The following BTBD8 variants were observed in gnomAD, a reference collection of about 807,000 sequenced individuals.
BTBD8 encodes BTB/POZ domain-containing protein 8.
In BTBD8, 110 loss-of-function variants were observed where a neutral mutation model predicts 162.9. The observed-to-expected ratio is 0.68, with a 90% CI of 0.58 to 0.79. The LOEUF is 0.79. Ranked by LOEUF, BTBD8 falls within the 30% of genes least tolerant of loss-of-function variation. The pLI, the probability that BTBD8 is intolerant of heterozygous loss-of-function variation, is 0.00. For missense variants in BTBD8, 1,905 were observed against 2,085.4 expected (o/e 0.91, Z 1.68); for synonymous variants, 667 against 716.1 (o/e 0.93, Z 1.10).
At chr1:92,163,657 G>C (rs917547519) in intron 9 of BTBD8, among the ~76,000 whole-genome samples, 38 of 151,926 alleles carry the variant, frequency 2.5e-4, no homozygotes, top group African/African-American at 9.2e-4. Flanking sequence ...GTGTGGAAGG[G>C]GACCCGAGCA....
chr1:92,147,744 T>G lies in BTBD8; in HGVS notation c.1080T>G (p.Pro360=). The G allele has an allele frequency of 1.2e-6, 2 of 1,613,672 alleles. No individual in the cohort carries two copies. Among genetic ancestry groups the G allele is most frequent in the Non-Finnish European group, 1.7e-6 (2 of 1,179,846 alleles). ...AGAGAAGCTTTGCAAATATACCTCC[T>G]GAGATTCAGAAAAGTTGTCTTAATA... ...WSERSFANIP[P]EIQKSCLNML... is the part of the protein sequence containing the mutation. The change falls in exon 9 of 18, where the codon CCT becomes CCG. Residue 360 remains proline (P), a synonymous_variant. Coordinates refer to ENST00000636805, the MANE Select transcript of BTBD8 (RefSeq NM_001376131.1).
chr1:92,081,333 C>T (rs150291389), intron 1 of BTBD8, among the ~76,000 whole-genome samples: 186 of 152,260 alleles, frequency 1.2e-3, no homozygotes, highest in African/African-American at 4.1e-3. Context: ...TCATGGATAT[C>T]CTTCTCGGGT....
chr1:92,127,119 C>T (rs1649380056), intron 4 of BTBD8, among the ~76,000 whole-genome samples: 1 of 152,240 alleles, frequency 6.6e-6, no homozygotes, highest in African/African-American at 2.4e-5. Context: ...CGTTTTCCCT[C>T]CAGTTCTGAA....
At chr1:92,131,060 C>G (rs527609677) in intron 5 of BTBD8, among the ~76,000 whole-genome samples, 10 of 152,210 alleles carry the variant, frequency 6.6e-5, no homozygotes, top group African/African-American at 2.4e-4. Flanking sequence ...ATTACAAAAT[C>G]AAATTAATAG....
At chr1:92,126,148 A>G in intron 4 of BTBD8, 1 of 500,514 alleles carries the variant, frequency 2.0e-6, no homozygotes, top group Non-Finnish European at 4.0e-6. Flanking sequence ...GAACCAGTCA[A>G]GTTTGAAGAT....
chr1:92,139,458 A>G (rs1161339194), intron 6 of BTBD8, 28 bp downstream of exon 6: 5 of 1,589,490 alleles, frequency 3.1e-6, no homozygotes, highest in South Asian at 2.4e-5. Flanking sequence ...ATAATTTAAA[A>G]TATAAAAGAG....
chr1:92,121,613 T>TA (rs1384346039), intron 4 of BTBD8, among the ~76,000 whole-genome samples: 1 of 152,182 alleles, frequency 6.6e-6, no homozygotes, highest in Non-Finnish European at 1.5e-5. Context: ...GCACACAACT[T>TA]AAAGTCCAGT....
intron 12 of BTBD8, among the ~76,000 whole-genome samples, chr1:92,170,691 C>G (rs560938589): frequency 2.2e-4 from 33 of 152,180 alleles, no homozygotes; most frequent in African/African-American, 7.9e-4. Context: ...CAGTAACCTT[C>G]AAAAGAAATA....
intron 2 of BTBD8, among the ~76,000 whole-genome samples, chr1:92,089,360 C>T (rs1403456918): frequency 6.6e-6 from 1 of 152,134 alleles, no homozygotes; most frequent in Non-Finnish European, 1.5e-5. Flanking sequence ...ATTGCCCCCT[C>T]TTGAGAACCG....
rs558198721 is a variant in BTBD8, at chr1:92,168,766, A to G, written c.1444-100A>G. 17 of 1,123,950 alleles carry G rather than the reference A, an allele frequency of 1.5e-5. No individual in the cohort carries two copies. In the Admixed American group the frequency reaches 4.9e-4, roughly 32 times the overall value. 69.6% of individuals were successfully genotyped at this position (1,123,950 alleles called of 1,614,324 possible). A position where few individuals can be genotyped will look rare whatever the true frequency, so the allele number is the denominator to read the frequency against. On this transcript the variant is annotated intron_variant, in intron 11 of 17. Coordinates refer to ENST00000636805, the MANE Select transcript of BTBD8 (RefSeq NM_001376131.1). ...TCTTAAAAATCTAAATGATGACATC[A>G]TTGATCTAGCTTAGGAGTAAGTAGA...
chr1:92,107,183 G>T (rs1377019343), intron 3 of BTBD8, among the ~76,000 whole-genome samples: 1 of 151,906 alleles, frequency 6.6e-6, no homozygotes, highest in South Asian at 2.1e-4. Flanking sequence ...ATAGAGATTA[G>T]AAATTTTTCT....
At position 92,182,074 on chromosome 1, in the gene BTBD8, A is replaced by C; in HGVS notation, c.4391A>C (p.Asp1464Ala). The change falls in exon 17 of 18, where the codon GAT (aspartate) becomes GCT (alanine). Residue 1464 changes from aspartate to alanine, a missense_variant. Asp to Ala is a moderately radical substitution (Grantham distance 126). Transcript: ENST00000636805. ...CATACTCCCTTTCAGGCTTCTGTAG[A>C]TTCTTTTTCACCTTCTGATGTTTTT... ...EVHTPFQASV[D>A]SFSPSDVFDG... 1 of 1,551,544 alleles carries C rather than the reference A, an allele frequency of 6.4e-7. No individual in the cohort carries two copies. The highest frequency in any genetic ancestry group is 1.4e-5 in the African/African-American group (1 of 73,122).
intron 13 of BTBD8, among the ~76,000 whole-genome samples, chr1:92,172,889 A>G (rs375581858): frequency 1.3e-5 from 2 of 152,190 alleles, no homozygotes; most frequent in Admixed American, 6.5e-5. Flanking sequence ...TCCATCTAGC[A>G]TCAACTATAA....
chr1:92,123,118 G>T (rs761063542), intron 4 of BTBD8, among the ~76,000 whole-genome samples: 1 of 152,086 alleles, frequency 6.6e-6, no homozygotes, highest in Non-Finnish European at 1.5e-5. Flanking sequence ...TTCCCCCATT[G>T]AATTATCTTA....
intron 9 of BTBD8, among the ~76,000 whole-genome samples, chr1:92,166,065 G>A (rs1275950573): frequency 2.0e-5 from 3 of 152,068 alleles, no homozygotes; most frequent in Non-Finnish European, 4.4e-5. Flanking sequence ...TGGAGTACAT[G>A]GTATTTGCTC....
rs764789637 is a variant in BTBD8, at chr1:92,088,858, G to C, written c.310G>C (p.Glu104Gln). The C allele has an allele frequency of 6.2e-7, 1 of 1,612,386 alleles. No individual in the cohort carries two copies. Among genetic ancestry groups the C allele is most frequent in the Non-Finnish European group, 8.5e-7 (1 of 1,179,092 alleles). ...AACAAATCAGGAGCCTATTGCTGTG[G>C]AGAATGTTGAAGCTTTAGAATTTAG... is the stretch of plus-strand genomic sequence containing the variant. ...SLTNQEPIAVENVEALEFRTF... is the reference protein window; with the variant it reads ...SLTNQEPIAVQNVEALEFRTF... The change falls in exon 2 of 18, where the codon GAG becomes CAG. Residue 104 changes from glutamate to glutamine, a missense_variant. By Grantham distance (29) the Glu-to-Gln change is conservative. Transcript: ENST00000636805.
At chr1:92,171,499 TAAC>T (rs572175805) in intron 13 of BTBD8, 39 bp downstream of exon 13, 110 of 1,198,948 alleles carry the variant, frequency 9.2e-5, no homozygotes, top group African/African-American at 4.4e-4. Flanking sequence ...ATGAAAAAGA[TAAC>T]AAATTATTTA....
chr1:92,105,034 G>A (rs867218684), intron 3 of BTBD8, among the ~76,000 whole-genome samples: 1 of 151,498 alleles, frequency 6.6e-6, no homozygotes, highest in Admixed American at 6.6e-5. Flanking sequence ...CCGGGTTCAC[G>A]CCATTCTCCT....
At chr1:92,083,967 C>A (rs548349882) in intron 1 of BTBD8, among the ~76,000 whole-genome samples, 1 of 152,104 alleles carries the variant, frequency 6.6e-6, no homozygotes, top group Non-Finnish European at 1.5e-5. Context: ...TAATGAATGT[C>A]CAGCAAGCTA....
Sources: gnomAD v4.1 joint callset for allele counts (sites outside exome capture counted in the v4.1 genomes callset) on GRCh38, gnomAD v4.1.1 for gene constraint, MANE v1.5 for transcripts, NCBI Gene and HGNC (gene_info 2026-07-23, HGNC 2026-07-21) for gene names.